Variants in BRI3 observed in about 807,000 individuals in gnomAD.
BRI3 encodes the protein brain protein I3.
A neutral mutation model predicts 12.8 loss-of-function variants in BRI3; 6 were observed. The ratio of observed to expected loss-of-function variants is 0.47; its 90% CI spans 0.26 to 0.93. The LOEUF (loss-of-function observed/expected upper bound fraction) is 0.93. Among genes scored for constraint, BRI3 ranks in the 40% least tolerant of loss-of-function variants. The pLI is 0.15. For missense variants in BRI3, 134 were observed against 171.1 expected, an observed-to-expected ratio of 0.78 and a Z score of 1.21; for synonymous variants, 91 against 76.1, an observed-to-expected ratio of 1.20 and a Z score of -1.02.
exon 1 of BRI3, chr7:98,306,525 A>C (rs1176775136): frequency 6.2e-7 from 1 of 1,614,144 alleles, no homozygotes; most frequent in Admixed American, 1.7e-5. Context: ...TCCTACCGGC[A>C]AAGAGGGAGA....
chr7:98,299,982 T>C (rs1409803821), intron 1 of BRI3, among the ~76,000 whole-genome samples: 3 of 152,136 alleles, frequency 2.0e-5, no homozygotes, highest in Non-Finnish European at 2.9e-5. Flanking sequence ...TGGAGGTTGC[T>C]GTGAACCAAG....
downstream of BRI3, chr7:98,310,473 C>T (rs149722932): frequency 2.2e-5 from 35 of 1,600,302 alleles, no homozygotes; most frequent in African/African-American, 2.7e-5. Context: ...TTTGTGAATT[C>T]GGGGCAGCCG....
At chr7:98,291,069 G>C (rs201437729) in intron 2 of BRI3, 42 bp from the exon 3 acceptor site, 11 of 1,611,594 alleles carry the variant, frequency 6.8e-6, no homozygotes, top group Middle Eastern at 1.6e-4. Context: ...CTGGCTGCCC[G>C]GGTCCTTACG....
chr7:98,315,311 A>AATATAAAACTCT (rs2116887644), downstream of BRI3: 1 of 589,270 alleles, frequency 1.7e-6, no homozygotes, highest in Non-Finnish European at 2.5e-6. Flanking sequence ...TATTTTTTAT[A>AATATAAAACTCT]GAGACAGAGT....
chr7:98,295,811 C>CT (rs1381522729), downstream of BRI3, among the ~76,000 whole-genome samples: 1 of 152,174 alleles, frequency 6.6e-6, no homozygotes, highest in Admixed American at 6.5e-5. Flanking sequence ...CCCCACGGGA[C>CT]TTTAAAAAGG....
chr7:98,307,554 A>ATGGTTTAGTT, exon 2 of BRI3: 1 of 1,469,134 alleles, frequency 6.8e-7, no homozygotes, highest in Non-Finnish European at 9.0e-7. Context: ...ACTTCAGTTA[A>ATGGTTTAGTT]CTAAACTAGA....
At chr7:98,285,673 CAG>C (rs1799688096) in intron 2 of BRI3, among the ~76,000 whole-genome samples, 1 of 152,206 alleles carries the variant, frequency 6.6e-6, no homozygotes, top group Non-Finnish European at 1.5e-5. Context: ...TGGTGGCAGG[CAG>C]AGTCTCCGGG....
chr7:98,311,602 G>A (rs940787830), downstream of BRI3, among the ~76,000 whole-genome samples: 3 of 149,724 alleles, frequency 2.0e-5, no homozygotes, highest in South Asian at 2.1e-4. Flanking sequence ...AGATAATAGC[G>A]CCAAACATAG....
In BRI3 at chr7:98,291,275, A is replaced by G. The variant is rs1375907755; in HGVS notation, c.*32A>G. 1 of 1,611,092 alleles carries G rather than the reference A, an allele frequency of 6.2e-7. No individual in the cohort carries two copies. Among genetic ancestry groups the G allele is most frequent in the Non-Finnish European group, 8.5e-7 (1 of 1,179,434 alleles). ...CACCAGGCCCGGCTTTCCTACACCC[A>G]GCTCTCTTTTTCTAATGTAAATGTT... On this transcript the variant is annotated 3_prime_UTR_variant, in exon 3 of 3. Transcript: ENST00000297290.
At chr7:98,304,318 T>C (rs760050605), upstream of BRI3, 15 of 1,613,276 alleles carry the variant, frequency 9.3e-6, no homozygotes, top group South Asian at 3.3e-5. Flanking sequence ...GGTGGGGGGA[T>C]GACAACACTG....
At chr7:98,310,662 T>C, downstream of BRI3, 7 of 1,251,512 alleles carry the variant, frequency 5.6e-6, no homozygotes, top group Non-Finnish European at 7.5e-6. Context: ...TTCCCAAGGC[T>C]GTTTTTTTTT....
At position 98,307,692 on chromosome 7, in the gene BRI3, T is replaced by C. The variant is rs76352870; in HGVS notation, n.322T>C. The C allele has an allele frequency of 6.2e-4, 1,007 of 1,613,926 alleles. 5 individuals are homozygous for C. The African/African-American group carries it at 0.012, about 19-fold the overall frequency. ...GGACCATCACGCCCAGACTTACGCC[T>C]TGGACACGTCGTGTTCTCCATAGAG... On this transcript the variant is annotated non_coding_transcript_exon_variant, in exon 2 of 2. Transcript: ENST00000485422.
downstream of BRI3, chr7:98,310,541 C>CG (rs770506372): frequency 5.0e-6 from 8 of 1,594,626 alleles, no homozygotes; most frequent in African/African-American, 4.1e-5. Context: ...CCTGAAGGAG[C>CG]GGGGGGCATC....
intron 2 of BRI3, among the ~76,000 whole-genome samples, chr7:98,289,348 G>A (rs1799820388): frequency 1.3e-5 from 2 of 152,262 alleles, no homozygotes; most frequent in African/African-American, 4.8e-5. Context: ...AGGTTCTGTG[G>A]GTGGGGTTTG....
At chr7:98,311,635 T>C (rs147596370), downstream of BRI3, among the ~76,000 whole-genome samples, 267 of 148,450 alleles carry the variant, frequency 1.8e-3, 2 homozygotes, top group African/African-American at 6.1e-3. Context: ...GCCCAACTTA[T>C]GGTGGCTCAT....
upstream of BRI3, among the ~76,000 whole-genome samples, chr7:98,306,122 A>G (rs1319573742): frequency 3.3e-5 from 5 of 152,298 alleles, no homozygotes; most frequent in Admixed American, 6.5e-5. Context: ...GAACGGTAAG[A>G]TAAGTGTAAG....
chr7:98,323,082 G>A, the BRI3 span: 1 of 152,190 alleles, frequency 6.6e-6, no homozygotes, highest in Non-Finnish European at 1.5e-5. Flanking sequence ...CAGCACTCAG[G>A]GCTCCACCCT....
the BRI3 span, chr7:98,319,977 G>T: frequency 8.8e-7 from 1 of 1,134,336 alleles, no homozygotes; most frequent in Non-Finnish European, 1.3e-6. Flanking sequence ...CTGCTGATGA[G>T]TCAACAGTGG....
intron 1 of BRI3, 21 bp from the exon 2 acceptor site, chr7:98,282,330 G>C: frequency 6.3e-7 from 1 of 1,593,044 alleles, no homozygotes; most frequent in African/African-American, 1.3e-5. Flanking sequence ...GCACCCTAAT[G>C]ACCTGCTTTC....
Sources: gnomAD v4.1 joint callset for allele counts (sites outside exome capture counted in the v4.1 genomes callset) on GRCh38, gnomAD v4.1.1 for gene constraint, MANE v1.5 for transcripts, NCBI Gene and HGNC (gene_info 2026-07-23, HGNC 2026-07-21) for gene names.